The following MAP4 variants were observed in gnomAD, a reference collection of about 807,000 sequenced individuals.
MAP4 encodes microtubule-associated protein 4.
A neutral mutation model predicts 170.2 loss-of-function variants in MAP4; 76 were observed. That is an observed-to-expected ratio of 0.45 (90% CI 0.37 to 0.54). The LOEUF is 0.54. Among genes scored for constraint, MAP4 ranks in the 20% least tolerant of loss-of-function variants. MAP4 has a pLI of 0.00. For synonymous variants in MAP4, 909 were observed against 994.5 expected (o/e 0.91, Z 1.62); for missense variants, 2,506 against 2,748.0 (o/e 0.91, Z 1.97).
chr3:48,065,605 G>A (rs1260119173), intron 1 of MAP4, among the ~76,000 whole-genome samples: 1 of 152,172 alleles, frequency 6.6e-6, no homozygotes, highest in Non-Finnish European at 1.5e-5. Flanking sequence ...CTGCCTTGGT[G>A]TTGAGCAAAT....
chr3:47,894,789 G>A (rs553827967), intron 10 of MAP4, among the ~76,000 whole-genome samples: 1 of 152,166 alleles, frequency 6.6e-6, no homozygotes, highest in African/African-American at 2.4e-5. Flanking sequence ...ACTTTGGGAG[G>A]CTGAGGTGGG....
intron 3 of MAP4, among the ~76,000 whole-genome samples, chr3:47,945,757 T>TC (rs1439192192): frequency 6.6e-6 from 1 of 151,870 alleles, no homozygotes; most frequent in African/African-American, 2.4e-5. Context: ...TCTCACTCTG[T>TC]CACCCAGGCT....
intron 15 of MAP4, 103 bp from the exon 16 acceptor site, chr3:47,869,430 A>G (rs1362244101): frequency 1.3e-6 from 1 of 759,590 alleles, no homozygotes; most frequent in Non-Finnish European, 2.3e-6. Context: ...AGGTCAGGCC[A>G]CCAGGCAAAA....
At chr3:48,066,967 A>G (rs1306352277) in intron 1 of MAP4, among the ~76,000 whole-genome samples, 3 of 150,176 alleles carry the variant, frequency 2.0e-5, no homozygotes, top group Non-Finnish European at 4.4e-5. Flanking sequence ...CAGCCTCCTG[A>G]GCAGCTGGGA....
intron 1 of MAP4, among the ~76,000 whole-genome samples, chr3:48,072,853 CA>C (rs1326544542): frequency 6.6e-6 from 1 of 152,234 alleles, no homozygotes; most frequent in Non-Finnish European, 1.5e-5. Flanking sequence ...ATCAATTGAA[CA>C]TACATTTGCC....
At chr3:47,857,326 T>C in intron 18 of MAP4, 105 bp downstream of exon 18, 1 of 872,396 alleles carries the variant, frequency 1.1e-6, no homozygotes, top group Middle Eastern at 3.3e-4. Context: ...CATGGGATGC[T>C]AAAGGCACAG....
intron 3 of MAP4, chr3:47,961,201 G>C (rs993327907): frequency 2.6e-5 from 4 of 152,308 alleles, no homozygotes; most frequent in African/African-American, 4.8e-5. Flanking sequence ...TCTATTTGAG[G>C]ACTGATAAAC....
chr3:47,952,331 C>A (rs1390707242), intron 3 of MAP4, among the ~76,000 whole-genome samples: 3 of 152,002 alleles, frequency 2.0e-5, no homozygotes, highest in Non-Finnish European at 4.4e-5. Flanking sequence ...TGCCCGGCCG[C>A]CCCTACTGGG....
intron 10 of MAP4, chr3:47,892,336 C>T (rs1320012718): frequency 2.0e-6 from 3 of 1,536,246 alleles, no homozygotes; most frequent in East Asian, 2.4e-5. Flanking sequence ...TGACATTCAG[C>T]CCAATTTCAT....
At chr3:48,011,130 A>G (rs1317292323) in intron 1 of MAP4, among the ~76,000 whole-genome samples, 2 of 152,200 alleles carry the variant, frequency 1.3e-5, no homozygotes, top group Non-Finnish European at 2.9e-5. Context: ...AGCAAATGCC[A>G]TCTCACACTA....
rs2100035269 is a variant in MAP4, at chr3:47,910,175, A to G, written c.4246T>C (p.Phe1416Leu). Residue 1416 changes from phenylalanine to leucine, a missense_variant, in exon 9 of 21, where the codon TTT (phenylalanine) becomes CTT (leucine). Around this residue, in one of 3 missense-constraint regions of MAP4, gnomAD observed 2,008 missense variants for 2,206.0 expected, o/e 0.91. Transcript: ENST00000683076. Reference sequence around the variant, plus strand: ...TCTGATGGTGTTCTGGGACAGGTAAATGTAATATTTCTATTTTCGTCCATA... The same window carrying G: ...TCTGATGGTGTTCTGGGACAGGTAAGTGTAATATTTCTATTTTCGTCCATA... ...AYMDENRNITFTCPRTPSELI... is the reference protein window; with the variant it reads ...AYMDENRNITLTCPRTPSELI... 2 of 1,613,900 alleles carry G rather than the reference A, an allele frequency of 1.2e-6. No homozygotes were observed. Among genetic ancestry groups the G allele is most frequent in the Non-Finnish European group, 1.7e-6 (2 of 1,179,874 alleles).
At chr3:47,872,696 G>T (rs1193387910) in intron 12 of MAP4, among the ~76,000 whole-genome samples, 2 of 151,938 alleles carry the variant, frequency 1.3e-5, no homozygotes, top group East Asian at 3.9e-4. Context: ...AGCCCTGATG[G>T]GTACATCACC....
chr3:47,916,788 C>T lies in MAP4; in HGVS notation c.1039G>A (p.Asp347Asn). The change falls in exon 7 of 21, where the codon GAT becomes AAT. Residue 347 changes from aspartate (D) to asparagine (N), a missense_variant. Physicochemically the swap from Asp to Asn is conservative, Grantham distance 23 (BLOSUM62 1). Coordinates refer to ENST00000683076, the MANE Select transcript of MAP4 (RefSeq NM_001385682.1). ...TCTGTTTCTTTCAACAGTGTCACATCCTTGGCTGGGGCTACCTCTGTTTCT... is the reference window on the plus strand; with the variant it reads ...TCTGTTTCTTTCAACAGTGTCACATTCTTGGCTGGGGCTACCTCTGTTTCT... The part of the protein sequence containing the change: ...PTETEVAPAK[D>N]VTLLKETERA... 1 of 1,614,198 alleles carries T rather than the reference C, an allele frequency of 6.2e-7. No homozygotes were observed.
chr3:47,955,216 C>T (rs1181832988), intron 3 of MAP4, among the ~76,000 whole-genome samples: 1 of 152,080 alleles, frequency 6.6e-6, no homozygotes, highest in Non-Finnish European at 1.5e-5. Context: ...TTTACTGGAG[C>T]AAATCAACAT....
intron 1 of MAP4, among the ~76,000 whole-genome samples, chr3:48,044,005 C>A (rs549848308): frequency 2.0e-5 from 3 of 151,894 alleles, no homozygotes; most frequent in Admixed American, 6.6e-5. Context: ...GCCACCACAC[C>A]CAGCTAATGT....
At chr3:47,897,458 T>C (rs980505615) in intron 10 of MAP4, among the ~76,000 whole-genome samples, 4 of 152,138 alleles carry the variant, frequency 2.6e-5, no homozygotes, top group Admixed American at 6.6e-5. Flanking sequence ...TTGAAGTACT[T>C]CAAACTTTAA....
At chr3:48,080,264 T>A (rs1240098163) in intron 1 of MAP4, among the ~76,000 whole-genome samples, 3 of 152,222 alleles carry the variant, frequency 2.0e-5, no homozygotes, top group Non-Finnish European at 4.4e-5. Context: ...AGCTGTGAAG[T>A]ACTTATCTTG....
chr3:47,929,310 T>C (rs564503160), intron 3 of MAP4, among the ~76,000 whole-genome samples: 1 of 152,072 alleles, frequency 6.6e-6, no homozygotes, highest in Non-Finnish European at 1.5e-5. Flanking sequence ...GAGCCAAGAT[T>C]GCGCCACTGC....
At chr3:48,054,004 C>G (rs1236657505) in intron 1 of MAP4, among the ~76,000 whole-genome samples, 2 of 152,070 alleles carry the variant, frequency 1.3e-5, no homozygotes. Flanking sequence ...AAATAAATGT[C>G]ATTTTAAAAA....
Sources: gnomAD v4.1 joint callset for allele counts (sites outside exome capture counted in the v4.1 genomes callset) on GRCh38, gnomAD v4.1.1 for gene constraint, gnomAD v4.1.1 regional missense constraint, MANE v1.5 for transcripts, NCBI Gene and HGNC (gene_info 2026-07-23, HGNC 2026-07-21) for gene names.